The following GTF2IRD1 variants were observed in gnomAD, a reference collection of about 807,000 sequenced individuals.
GTF2IRD1 encodes general transcription factor II-I repeat domain-containing protein 1.
Under a neutral mutation model 113.2 loss-of-function variants are expected in GTF2IRD1, and 26 were observed. The observed-to-expected ratio is 0.23, with a 90% CI of 0.17 to 0.32. GTF2IRD1 has a LOEUF of 0.32. Among genes scored for constraint, GTF2IRD1 ranks in the 10% least tolerant of loss-of-function variants. The pLI is 1.00. For synonymous variants in GTF2IRD1, 484 were observed against 529.1 expected (o/e 0.91, Z 1.17); for missense variants, 864 against 1,280.8 (o/e 0.67, Z 4.97).
rs587759885 is a variant in GTF2IRD1 at position 74,515,350 on chromosome 7, G to A, written c.266-91G>A. The A allele has an allele frequency of 5.2e-6, 8 of 1,536,786 alleles. No homozygotes were observed. The highest frequency in any genetic ancestry group is 1.7e-4 in the Middle Eastern group (1 of 5,954). ...TGTATCACATTGTGTGCCAGTCTCC[G>A]CAGCTCAGCACAGGGCAGCGACATC... On this transcript the variant is annotated intron_variant, in intron 3 of 26. Transcript: ENST00000424337.
chr7:74,503,726 G>T (rs939815792), intron 1 of GTF2IRD1, among the ~76,000 whole-genome samples: 1 of 152,152 alleles, frequency 6.6e-6, no homozygotes, highest in Non-Finnish European at 1.5e-5. Flanking sequence ...TCCAATCTGG[G>T]GGACAGTGAG....
intron 8 of GTF2IRD1, among the ~76,000 whole-genome samples, chr7:74,525,339 C>T (rs1281993840): frequency 4.6e-5 from 7 of 152,138 alleles, no homozygotes; most frequent in East Asian, 1.9e-4. Flanking sequence ...GGGAACTTGA[C>T]GCCCCCTGCC....
intron 1 of GTF2IRD1, among the ~76,000 whole-genome samples, chr7:74,484,596 T>C (rs1297065444): frequency 6.6e-6 from 1 of 151,980 alleles, no homozygotes; most frequent in African/African-American, 2.4e-5. Context: ...GTAGCTGTGA[T>C]TACAGGCACC....
At chr7:74,552,382 G>C (rs1367988479) in intron 17 of GTF2IRD1, among the ~76,000 whole-genome samples, 2 of 152,060 alleles carry the variant, frequency 1.3e-5, no homozygotes, top group East Asian at 3.9e-4. Context: ...CAGGCATGGT[G>C]AGGGGGTCCT....
rs557090119 is a variant in GTF2IRD1, at chr7:74,482,176, T to G, written c.-6-25899T>G. Among the ~76,000 whole-genome samples, 11 of 152,238 alleles carry G rather than the reference T, an allele frequency of 7.2e-5. No individual in the cohort carries two copies. The South Asian group carries it at 1.7e-3, about 23-fold the overall frequency. ...AGTTTTGCTGTTTGTTTGTTTGTTT[T>G]TTTCTGTCATCTGACTGGGTGTCCC... On this transcript the variant is annotated intron_variant, in intron 1 of 26. Coordinates refer to ENST00000424337, the MANE Select transcript of GTF2IRD1 (RefSeq NM_005685.4).
chr7:74,528,984 TGGATAGAC>T (rs1181183274), intron 8 of GTF2IRD1, among the ~76,000 whole-genome samples: 2 of 149,016 alleles, frequency 1.3e-5, no homozygotes, highest in Non-Finnish European at 3.0e-5. Context: ...GATGGATGGA[TGGATAGAC>T]GGATGGATGG....
intron 22 of GTF2IRD1, among the ~76,000 whole-genome samples, chr7:74,568,336 T>TAAAAAA (rs1554361345): frequency 3.2e-4 from 1 of 3,160 alleles, no homozygotes; most frequent in Non-Finnish European, 5.2e-4. Flanking sequence ...GCATCTCTAT[T>TAAAAAA]TAAAAAAAAA....
At chr7:74,523,379 A>G (rs587644292) in intron 7 of GTF2IRD1, among the ~76,000 whole-genome samples, 2 of 152,300 alleles carry the variant, frequency 1.3e-5, no homozygotes, top group South Asian at 4.1e-4. Flanking sequence ...CAACAGAGTG[A>G]GACCCTGTCT....
intron 17 of GTF2IRD1, among the ~76,000 whole-genome samples, chr7:74,551,865 G>A (rs1554355137): frequency 6.6e-6 from 1 of 152,212 alleles, no homozygotes; most frequent in African/African-American, 2.4e-5. Context: ...GAACCTGGGA[G>A]GTGGAGGTTG....
At chr7:74,533,070 G>A (rs1369398396) in intron 9 of GTF2IRD1, among the ~76,000 whole-genome samples, 2 of 151,658 alleles carry the variant, frequency 1.3e-5, no homozygotes, top group South Asian at 2.1e-4. Flanking sequence ...GCCCAGCCCC[G>A]CCCTCTCAGA....
At chr7:74,495,729 CG>C (rs1319916778) in intron 1 of GTF2IRD1, among the ~76,000 whole-genome samples, 4 of 152,216 alleles carry the variant, frequency 2.6e-5, no homozygotes, top group African/African-American at 9.6e-5. Flanking sequence ...GAGCCAGCAG[CG>C]GGGAAGGGCA....
At chr7:74,566,083 A>G (rs979270273) in intron 22 of GTF2IRD1, among the ~76,000 whole-genome samples, 1 of 152,124 alleles carries the variant, frequency 6.6e-6, no homozygotes, top group Non-Finnish European at 1.5e-5. Flanking sequence ...AAATTTGGAA[A>G]ATACAGAAAT....
chr7:74,570,960 A>G (rs1484867236), intron 22 of GTF2IRD1, among the ~76,000 whole-genome samples: 3 of 152,060 alleles, frequency 2.0e-5, no homozygotes, highest in East Asian at 1.9e-4. Context: ...GGGCCCAGCC[A>G]CCCTTCTCCA....
At chr7:74,576,074 T>C (rs1801039120) in intron 22 of GTF2IRD1, among the ~76,000 whole-genome samples, 1 of 151,596 alleles carries the variant, frequency 6.6e-6, no homozygotes. Flanking sequence ...GGTGGGAGGA[T>C]GACTTGAGCT....
intron 1 of GTF2IRD1, among the ~76,000 whole-genome samples, chr7:74,478,581 G>C (rs1031152817): frequency 6.6e-6 from 1 of 152,108 alleles, no homozygotes; most frequent in African/African-American, 2.4e-5. Flanking sequence ...TCATCCTCCT[G>C]AGTAGCTGGG....
At chr7:74,600,612 C>T (rs1802698494) in intron 25 of GTF2IRD1, among the ~76,000 whole-genome samples, 1 of 152,024 alleles carries the variant, frequency 6.6e-6, no homozygotes, top group Non-Finnish European at 1.5e-5. Context: ...TTGGGAGGCT[C>T]AGGCACTAGA....
intron 22 of GTF2IRD1, among the ~76,000 whole-genome samples, chr7:74,581,452 C>T (rs1180426112): frequency 6.6e-6 from 1 of 152,238 alleles, no homozygotes; most frequent in Non-Finnish European, 1.5e-5. Context: ...GTGACCCTGG[C>T]CTTGAAGGGC....
Position 74,515,560 on chromosome 7 carries a change from C to T in GTF2IRD1, c.385C>T (p.Arg129Trp). Residue 129 changes from arginine (R) to tryptophan (W), a missense_variant, in exon 4 of 27, where the codon CGG becomes TGG. Around this residue, in one of 7 missense-constraint regions of GTF2IRD1, gnomAD observed 182 missense variants for 266.6 expected, o/e 0.68. Transcript: ENST00000424337. ...LEHGSDVYLL[R>W]KMVEEVFDVL... Reference sequence around the variant, plus strand: ...ACATGGCTCAGATGTGTACCTTCTGCGGAAGATGGTAGAGGAGGTGTTTGA... The same window carrying T: ...ACATGGCTCAGATGTGTACCTTCTGTGGAAGATGGTAGAGGAGGTGTTTGA... The T allele has an allele frequency of 1.9e-6, 3 of 1,613,562 alleles. No individual in the cohort carries two copies. Among genetic ancestry groups the T allele is most frequent in the Non-Finnish European group, 1.7e-6 (2 of 1,179,586 alleles).
intron 9 of GTF2IRD1, among the ~76,000 whole-genome samples, chr7:74,531,819 A>G (rs1188856630): frequency 6.6e-6 from 1 of 152,070 alleles, no homozygotes; most frequent in African/African-American, 2.4e-5. Context: ...AGTGCTTTCT[A>G]CAAGGCCTGA....
Sources: gnomAD v4.1 joint callset for allele counts (sites outside exome capture counted in the v4.1 genomes callset) on GRCh38, gnomAD v4.1.1 for gene constraint, gnomAD v4.1.1 regional missense constraint, MANE v1.5 for transcripts, NCBI Gene and HGNC (gene_info 2026-07-23, HGNC 2026-07-21) for gene names.